Variants in DYNC1H1 observed in about 807,000 individuals in gnomAD.
DYNC1H1 encodes cytoplasmic dynein 1 heavy chain 1.
In DYNC1H1, 51 loss-of-function variants were observed where a neutral mutation model predicts 527.1. The ratio of observed to expected loss-of-function variants is 0.10; its 90% CI spans 0.08 to 0.12. The LOEUF (loss-of-function observed/expected upper bound fraction) is 0.12. DYNC1H1 is among the 10% of genes least tolerant of loss of function. DYNC1H1 has a pLI of 1.00. For synonymous variants in DYNC1H1, 2,189 were observed against 2,278.8 expected, an observed-to-expected ratio of 0.96 and a Z score of 1.12; for missense variants, 2,771 against 5,971.8, an observed-to-expected ratio of 0.46 and a Z score of 17.66.
chr14:102,048,341 A>T, intron 73 of DYNC1H1, 175 bp from the exon 74 acceptor site: 1 of 911,776 alleles, frequency 1.1e-6, no homozygotes, highest in Non-Finnish European at 1.7e-6. Flanking sequence ...GTTTCTGAGC[A>T]GCCTCAGCTT....
intron 51 of DYNC1H1, among the ~76,000 whole-genome samples, chr14:102,031,290 G>T (rs2048507663): frequency 6.6e-6 from 1 of 152,206 alleles, no homozygotes; most frequent in Non-Finnish European, 1.5e-5. Flanking sequence ...CTGGAGTGTA[G>T]TGGTGCAACC....
rs149806996 is a variant in DYNC1H1, at chr14:102,039,182, C to G, written c.11388C>G (p.Thr3796=). Residue 3796 remains threonine (T), a synonymous_variant, in exon 60 of 78, where the codon ACC becomes ACG. Coordinates refer to ENST00000360184, the MANE Select transcript of DYNC1H1 (RefSeq NM_001376.5). This position sits in a 1 kb window ranked among gnomAD's most constrained non-coding sequence, Gnocchi z 7.0. ...ETDIVMQEVE[T]VSQQYLPLST... ...ACATTGTCATGCAGGAGGTGGAGAC[C>G]GTGTCCCAGCAGTACCTCCCGCTCT... The G allele has an allele frequency of 4.3e-6, 7 of 1,614,014 alleles. No homozygotes were observed. Among genetic ancestry groups the G allele is most frequent in the Non-Finnish European group, 5.1e-6 (6 of 1,180,032 alleles).
chr14:102,024,937 G>T (rs2048432050), intron 43 of DYNC1H1, among the ~76,000 whole-genome samples: 1 of 151,684 alleles, frequency 6.6e-6, no homozygotes, highest in Non-Finnish European at 1.5e-5. Context: ...CTCGTGATCA[G>T]CCCATCTCGG....
chr14:102,040,465 A>T, intron 63 of DYNC1H1, 55 bp downstream of exon 63: 1 of 1,613,446 alleles, frequency 6.2e-7, no homozygotes, highest in Non-Finnish European at 8.5e-7. Context: ...TTCCCAGGAA[A>T]TGTAAGGAAT....
chr14:102,012,805 T>C lies in DYNC1H1; in HGVS notation c.7014+335T>C, dbSNP rs2048272421. The C allele has an allele frequency of 2.6e-6, 1 of 378,680 alleles. No homozygotes were observed. Among genetic ancestry groups the C allele is most frequent in the Non-Finnish European group, 5.0e-6 (1 of 198,988 alleles). The allele number at this position is 378,680 out of a possible 1,614,324, so 23.5% of individuals were successfully genotyped here. A position where few individuals can be genotyped will look rare whatever the true frequency, so the allele number is the denominator to read the frequency against. ...TAGAGAGCTGGGAAAATGAGAAATT[T>C]GGAATGGGGCTTTCTAGGCTGTCCC... On this transcript the variant is annotated intron_variant, in intron 34 of 77. Transcript: ENST00000360184. The surrounding 1 kb of genome is among the most constrained non-coding windows in gnomAD (Gnocchi z 4.9).
In DYNC1H1 at chr14:102,017,142, T is replaced by G. The variant is rs2048332732; in HGVS notation, c.7903T>G (p.Phe2635Val). The change falls in exon 39 of 78, where the codon TTT becomes GTT. Residue 2635 changes from phenylalanine (F) to valine (V), a missense_variant. Physicochemically the swap from Phe to Val is conservative, Grantham distance 50 (BLOSUM62 -1). Transcript: ENST00000360184. The surrounding 1 kb of genome is among the most constrained non-coding windows in gnomAD (Gnocchi z 4.6). Reference protein sequence around the residue: ...ATTPELLLKTFDHYCEYRRTP... With the variant: ...ATTPELLLKTVDHYCEYRRTP... Reference sequence around the variant, plus strand: ...TACTCCAGAGCTGCTTCTGAAGACTTTTGATCACTACTGCGAGTACAGGCG... The same window carrying G: ...TACTCCAGAGCTGCTTCTGAAGACTGTTGATCACTACTGCGAGTACAGGCG... 1 of 1,614,102 alleles carries G rather than the reference T, an allele frequency of 6.2e-7. No individual in the cohort carries two copies. Among genetic ancestry groups the G allele is most frequent in the African/African-American group, 1.3e-5 (1 of 74,930 alleles).
chr14:102,009,537 GC>G, intron 29 of DYNC1H1: 1 of 327,972 alleles, frequency 3.0e-6, no homozygotes, highest in Non-Finnish European at 5.7e-6. Context: ...TTGTTGGACT[GC>G]ATCTCTATCT....
At chr14:102,025,231 C>A (rs1274624923) in intron 43 of DYNC1H1, among the ~76,000 whole-genome samples, 4 of 151,810 alleles carry the variant, frequency 2.6e-5, no homozygotes, top group African/African-American at 4.8e-5. Flanking sequence ...ATGGTGAAAA[C>A]CCATCTCTAC....
At position 101,965,156 on chromosome 14, in the gene DYNC1H1, CG is replaced by C. The variant is rs754342363; in HGVS notation, c.256+213del. Among the ~76,000 whole-genome samples, 5 of 152,006 alleles carry C rather than the reference CG, an allele frequency of 3.3e-5. No individual in the cohort carries two copies. Among genetic ancestry groups the C allele is most frequent in the South Asian group, 2.1e-4 (1 of 4,832 alleles). On this transcript the variant is annotated intron_variant, in intron 1 of 77. Coordinates refer to ENST00000360184, the MANE Select transcript of DYNC1H1 (RefSeq NM_001376.5). This position sits in a 1 kb window ranked among gnomAD's most constrained non-coding sequence, Gnocchi z 4.1. ...GCCCCGCAGAGGCCGGCGCGGCGCC[CG>C]GGGCTCGCCCTCGCCACACCCACTG... is the stretch of plus-strand genomic sequence containing the variant.
intron 2 of DYNC1H1, among the ~76,000 whole-genome samples, chr14:101,976,297 C>CT (rs2047799963): frequency 6.6e-6 from 1 of 151,250 alleles, no homozygotes; most frequent in Non-Finnish European, 1.5e-5. Flanking sequence ...AATCCCAGCA[C>CT]TTTGGGAGGC....
chr14:102,010,654 A>G lies in DYNC1H1; in HGVS notation c.6406-86A>G, dbSNP rs2048248142. ...GTGCTCGCACCCTTTGTTCACCAAC[A>G]GTTACTGATCACGCACCTCCTGGGG... On this transcript the variant is annotated intron_variant, in intron 31 of 77. Transcript: ENST00000360184. The surrounding 1 kb of genome is among the most constrained non-coding windows in gnomAD (Gnocchi z 6.0). 6.4e-7 allele frequency: 1 copy of G among 1,573,836 alleles called. No homozygotes were observed. The highest frequency in any genetic ancestry group is 1.4e-5 in the African/African-American group (1 of 74,012).
intron 63 of DYNC1H1, 87 bp from the exon 64 acceptor site, chr14:102,040,511 G>C (rs145345918): frequency 6.2e-7 from 1 of 1,609,448 alleles, no homozygotes; most frequent in Admixed American, 1.7e-5. Context: ...TTGTGTCTGC[G>C]CTCTCGCGTC....
chr14:102,011,534 A>G lies in DYNC1H1; in HGVS notation c.6619-341A>G. 1 of 362,620 alleles carries G rather than the reference A, an allele frequency of 2.8e-6. No homozygotes were observed. The highest frequency in any genetic ancestry group is 5.3e-6 in the Non-Finnish European group (1 of 187,328). The allele number at this position is 362,620 out of a possible 1,614,324, so 22.5% of individuals were successfully genotyped here. A position where few individuals can be genotyped will look rare whatever the true frequency, so the allele number is the denominator to read the frequency against. ...CCTGACTTACTAAAGAACTCGCCACAGTTTGGAAATGTTTGTTTTACATGT... is the reference window on the plus strand; with the variant it reads ...CCTGACTTACTAAAGAACTCGCCACGGTTTGGAAATGTTTGTTTTACATGT... On this transcript the variant is annotated intron_variant, in intron 32 of 77. Transcript: ENST00000360184. This position sits in a 1 kb window ranked among gnomAD's most constrained non-coding sequence, Gnocchi z 5.3.
At position 102,044,793 on chromosome 14, in the gene DYNC1H1, T is replaced by C; in HGVS notation, c.13006+95T>C. 7.1e-7 allele frequency: 1 copy of C among 1,411,894 alleles called. No homozygotes were observed. The highest frequency in any genetic ancestry group is 9.9e-7 in the Non-Finnish European group (1 of 1,009,996). The allele number at this position is 1,411,894 out of a possible 1,614,324, so 87.5% of individuals were successfully genotyped here. A position where few individuals can be genotyped will look rare whatever the true frequency, so the allele number is the denominator to read the frequency against. On this transcript the variant is annotated intron_variant, in intron 72 of 77. Transcript: ENST00000360184. The surrounding 1 kb of genome is among the most constrained non-coding windows in gnomAD (Gnocchi z 7.1). ...AGGGTCCCCACACGCAGGGTGAGTG[T>C]GCACTGCTGTCCCAGGGCCCTCCCT...
chr14:102,040,710 G>A (rs1259496371), intron 64 of DYNC1H1, 37 bp downstream of exon 64: 7 of 1,612,476 alleles, frequency 4.3e-6, no homozygotes, highest in African/African-American at 4.0e-5. Context: ...GGACCTGAAT[G>A]TAAAGTTGGG....
chr14:102,034,474 A>G, intron 56 of DYNC1H1, 22 bp downstream of exon 56: 1 of 1,612,362 alleles, frequency 6.2e-7, no homozygotes, highest in Non-Finnish European at 8.5e-7. Context: ...GGTGCCAAGG[A>G]GAGGCATGGG....
At chr14:102,048,128 A>T (rs965400210) in intron 73 of DYNC1H1, 100 bp downstream of exon 73, 5 of 1,425,588 alleles carry the variant, frequency 3.5e-6, no homozygotes, top group Non-Finnish European at 4.8e-6. Context: ...ACTGTGCCGG[A>T]CGGAACGTAC....
At position 101,986,402 on chromosome 14, in the gene DYNC1H1, G is replaced by A. The variant is rs199986472; in HGVS notation, c.2177G>A (p.Arg726Gln). 1.9e-6 allele frequency: 3 copies of A among 1,614,112 alleles called. No homozygotes were observed. The highest frequency in any genetic ancestry group is 1.3e-5 in the African/African-American group (1 of 75,026). The change falls in exon 8 of 78, where the codon CGG becomes CAG. Residue 726 changes from arginine to glutamine, a missense_variant. This residue lies in a region of DYNC1H1 where 264 missense variants were observed against 619.4 expected (regional missense o/e 0.43). Transcript: ENST00000360184. The surrounding 1 kb of genome is among the most constrained non-coding windows in gnomAD (Gnocchi z 8.7). ...RIFTIESTRV[R>Q]GRTGNVLKLK... is the part of the protein sequence containing the mutation. ...TTCACCATCGAAAGTACTCGGGTTC[G>A]GGGCCGAACTGGAAATGTGCTTAAG...
chr14:102,001,046 T>C lies in DYNC1H1; in HGVS notation c.4167T>C (p.Leu1389=), dbSNP rs749742024. The change falls in exon 19 of 78, where the codon CTT becomes CTC. Residue 1389 remains leucine (L), a synonymous_variant. Transcript: ENST00000360184. The surrounding 1 kb of genome is among the most constrained non-coding windows in gnomAD (Gnocchi z 5.0). ...CGTCCTATGAGTTTGTTCAGAGGCT[T>C]CTGAAAGGTTACATGAAGGTAGGTG... ...QYASYEFVQR[L]LKGYMKINML... is the part of the protein sequence containing the mutation. 2 of 1,614,198 alleles carry C rather than the reference T, an allele frequency of 1.2e-6. No individual in the cohort carries two copies. Among genetic ancestry groups the C allele is most frequent in the South Asian group, 1.1e-5 (1 of 91,082 alleles).
Sources: gnomAD v4.1 joint callset for allele counts (sites outside exome capture counted in the v4.1 genomes callset) on GRCh38, gnomAD v4.1.1 for gene constraint, gnomAD v4.1.1 regional missense constraint, Gnocchi (gnomAD v3.1) non-coding constraint, MANE v1.5 for transcripts, NCBI Gene and HGNC (gene_info 2026-07-23, HGNC 2026-07-21) for gene names.